PIEZO1: variants seen among roughly 807,000 people sequenced by gnomAD.
PIEZO1 encodes the protein piezo type mechanosensitive ion channel component 1 (Er blood group), also known as piezo-type mechanosensitive ion channel component 1.
PIEZO1 carries 296 observed loss-of-function variants against 297.2 expected under a neutral mutation model. That is an observed-to-expected ratio of 1.00 (90% CI 0.91 to 1.10). The LOEUF (loss-of-function observed/expected upper bound fraction) is 1.10, where lower values mean the gene tolerates loss of function less well. Among genes scored for constraint, PIEZO1 ranks in the 50% least tolerant of loss-of-function variants. The pLI is 0.00. For synonymous variants in PIEZO1, 2,427 were observed against 1,507.5 expected, an observed-to-expected ratio of 1.61 and a Z score of -14.13; for missense variants, 5,018 against 3,455.5, an observed-to-expected ratio of 1.45 and a Z score of -11.34.
At position 88,720,137 on chromosome 16, in the gene PIEZO1, G is replaced by A; in HGVS notation, c.6096C>T (p.Ala2032=). 8.4e-6 allele frequency: 13 copies of A among 1,550,462 alleles called. No individual in the cohort carries two copies. Among genetic ancestry groups the A allele is most frequent in the Non-Finnish European group, 1.1e-5 (13 of 1,146,982 alleles). Residue 2032 remains alanine, a synonymous_variant, in exon 42 of 51, where the codon GCC becomes GCT. Coordinates refer to ENST00000301015, the MANE Select transcript of PIEZO1 (RefSeq NM_001142864.4). ...TGGCCAGCACCAGCGCCACCTGGAA[G>A]GCCAGCTTGCCCAGCACGGTCTTGC... ...YLRKTVLGKL[A]FQVALVLAIH...
At chr16:88,756,618 T>C (rs1241248848) in intron 1 of PIEZO1, among the ~76,000 whole-genome samples, 1 of 151,468 alleles carries the variant, frequency 6.6e-6, no homozygotes, top group African/African-American at 2.4e-5. Flanking sequence ...AAATACAAAA[T>C]GTATCTGGGT....
intron 1 of PIEZO1, among the ~76,000 whole-genome samples, chr16:88,759,275 C>A (rs1000723323): frequency 3.9e-5 from 6 of 152,206 alleles, no homozygotes; most frequent in African/African-American, 1.4e-4. Flanking sequence ...GGGGCAGGCA[C>A]CTTGCTAGGT....
At chr16:88,752,877 C>G (rs971386220) in intron 1 of PIEZO1, among the ~76,000 whole-genome samples, 1 of 83,342 alleles carries the variant, frequency 1.2e-5, no homozygotes, top group African/African-American at 3.1e-5. Flanking sequence ...CTCATTCATT[C>G]ATCCATTCAT....
intron 31 of PIEZO1, among the ~76,000 whole-genome samples, 194 bp downstream of exon 31, chr16:88,723,677 T>C (rs1168396374): frequency 6.6e-6 from 1 of 152,252 alleles, no homozygotes; most frequent in Non-Finnish European, 1.5e-5. Context: ...GGCAGCAGGC[T>C]ACACATGACC....
chr16:88,721,071 T>A lies in PIEZO1; in HGVS notation c.5668+95A>T, dbSNP rs1437674548. On this transcript the variant is annotated intron_variant, in intron 39 of 50. Coordinates refer to ENST00000301015, the MANE Select transcript of PIEZO1 (RefSeq NM_001142864.4). ...CCTGGGATCCAGGTGGGCCTCGCAC[T>A]GGGCTTGGCCGTCTCATCTGAGAAA... The A allele has an allele frequency of 4.7e-6, 6 of 1,272,790 alleles. No homozygotes were observed. The Admixed American group carries it at 1.4e-4, about 30-fold the overall frequency. 78.8% of individuals were successfully genotyped at this position (1,272,790 alleles called of 1,614,324 possible). A position where few individuals can be genotyped will look rare whatever the true frequency, so the allele number is the denominator to read the frequency against.
At position 88,738,676 on chromosome 16, in the gene PIEZO1, G is replaced by C. The variant is rs901223457; in HGVS notation, c.526C>G (p.Leu176Val). ...PTAGLQEAAT[L>V]APTRRSRLAA... ...AGCCGTGACCTCCGTGTAGGGGCCA[G>C]CGTTGCTGCTTCCTGCAGCCCTGCC... is the stretch of plus-strand genomic sequence containing the variant. Residue 176 changes from leucine (L) to valine (V), a missense_variant, in exon 6 of 51, where the codon CTG becomes GTG. Leu to Val is a conservative substitution (Grantham distance 32, BLOSUM62 1). Coordinates refer to ENST00000301015, the MANE Select transcript of PIEZO1 (RefSeq NM_001142864.4). 3.9e-6 allele frequency: 6 copies of C among 1,535,058 alleles called. No homozygotes were observed. In the African/African-American group the frequency reaches 5.5e-5, roughly 14 times the overall value.
Position 88,722,661 on chromosome 16 carries a change from T to C in PIEZO1, c.4697A>G (p.Asp1566Gly), listed in dbSNP as rs759704861. ...QGGEVHRGVLDQLYTSQAEAT... is the reference protein window; with the variant it reads ...QGGEVHRGVLGQLYTSQAEAT... Reference sequence around the variant, plus strand: ...CTCGGCCTGGCTTGTGTACAGCTGATCCAGCACGCCCCTGTGCACTTCGCC... The same window carrying C: ...CTCGGCCTGGCTTGTGTACAGCTGACCCAGCACGCCCCTGTGCACTTCGCC... Residue 1566 changes from aspartate to glycine, a missense_variant, in exon 35 of 51, where the codon GAT (aspartate) becomes GGT (glycine). Asp to Gly is a moderately conservative substitution (Grantham distance 94). Transcript: ENST00000301015. 112 of 1,538,114 alleles carry C rather than the reference T, an allele frequency of 7.3e-5. No individual in the cohort carries two copies. The highest frequency in any genetic ancestry group is 1.7e-4 in the Middle Eastern group (1 of 5,988).
intron 1 of PIEZO1, among the ~76,000 whole-genome samples, chr16:88,761,590 C>T (rs1490753231): frequency 6.6e-6 from 1 of 152,174 alleles, no homozygotes; most frequent in African/African-American, 2.4e-5. Context: ...GCTCAGCATC[C>T]CATCCCCATC....
Position 88,716,889 on chromosome 16 carries a change from T to A in PIEZO1, c.6670A>T (p.Thr2224Ser), listed in dbSNP as rs1912081183. The A allele has an allele frequency of 1.3e-6, 2 of 1,549,768 alleles. No homozygotes were observed. The highest frequency in any genetic ancestry group is 1.7e-6 in the Non-Finnish European group (2 of 1,146,912). The change falls in exon 46 of 51, where the codon ACC (threonine) becomes TCC (serine). Residue 2224 changes from threonine (T) to serine (S), a missense_variant. Thr to Ser is a moderately conservative substitution (Grantham distance 58, BLOSUM62 1). Coordinates refer to ENST00000301015, the MANE Select transcript of PIEZO1 (RefSeq NM_001142864.4). ...LKLGGYEPLF[T>S]MSAQQPSIIP... Reference sequence around the variant, plus strand: ...ATGGACGGCTGCTGGGCGCTCATGGTGAACAGCGGCTGGGGCAGGCACGGG... The same window carrying A: ...ATGGACGGCTGCTGGGCGCTCATGGAGAACAGCGGCTGGGGCAGGCACGGG...
At chr16:88,753,138 TGCCCCCCCAGAGCACAACC>T (rs1198629523) in intron 1 of PIEZO1, among the ~76,000 whole-genome samples, 15 of 61,222 alleles carry the variant, frequency 2.5e-4, no homozygotes, top group African/African-American at 7.2e-4. Context: ...GGAGCACCCC[TGCCCCCCCAGAGCACAACC>T]GCCCCCCCAG....
Position 88,725,588 on chromosome 16 carries a change from C to A in PIEZO1, c.4058+7G>T. 6.5e-7 allele frequency: 1 copy of A among 1,542,810 alleles called. No individual in the cohort carries two copies. Among genetic ancestry groups the A allele is most frequent in the Non-Finnish European group, 8.8e-7 (1 of 1,140,060 alleles). On this transcript the variant is annotated splice_region_variant and intron_variant, in intron 28 of 50. Coordinates refer to ENST00000301015, the MANE Select transcript of PIEZO1 (RefSeq NM_001142864.4). ...AGCCGGGGAGTCCCCGCCCCAGAGG[C>A]ACCTACTGTCTTTTCAGCTGGGCCA... is the stretch of plus-strand genomic sequence containing the variant.
chr16:88,735,076 G>C, intron 13 of PIEZO1, 23 bp from the exon 14 acceptor site: 1 of 1,550,116 alleles, frequency 6.5e-7, no homozygotes, highest in Non-Finnish European at 8.7e-7. Flanking sequence ...CCAGGGGCAG[G>C]CGATGGCATC....
chr16:88,732,352 A>G lies in PIEZO1; in HGVS notation c.2974T>C (p.Tyr992His), dbSNP rs1452155721. 3 of 1,549,252 alleles carry G rather than the reference A, an allele frequency of 1.9e-6. No homozygotes were observed. Among genetic ancestry groups the G allele is most frequent in the Non-Finnish European group, 2.6e-6 (3 of 1,146,166 alleles). The change falls in exon 21 of 51, where the codon TAC becomes CAC. Residue 992 changes from tyrosine (Y) to histidine (H), a missense_variant. Tyr to His is a moderately conservative substitution (Grantham distance 83, BLOSUM62 2). Transcript: ENST00000301015. Reference protein sequence around the residue: ...CLKYFINFFFYKFGLEICFLM... With the variant: ...CLKYFINFFFHKFGLEICFLM... ...TGCCTCACCTCCAGCCCGAATTTGT[A>G]GAAGAAGAAGTTGATGAAGTACTTG... is the stretch of plus-strand genomic sequence containing the variant.
In PIEZO1 at chr16:88,777,250, C is replaced by T. The variant is rs142946849; in HGVS notation, c.64+7651G>A. On this transcript the variant is annotated intron_variant, in intron 1 of 50. Transcript: ENST00000301015. ...CCTCCCAAAGTGCTGGGATTACCGG[C>T]GTGAGCCACCATGCCCGGAGGACCT... 7.5e-3 allele frequency among the ~76,000 whole-genome samples: 1,137 copies of T among 152,380 alleles called. 21 individuals are homozygous for T. The highest frequency in any genetic ancestry group is 0.026 in the African/African-American group (1,065 of 41,588).
At chr16:88,740,712 T>C (rs1905585641) in intron 5 of PIEZO1, 1 of 152,256 alleles carries the variant, frequency 6.6e-6, no homozygotes, top group Non-Finnish European at 1.5e-5. Flanking sequence ...TTGAGGCCCA[T>C]GTGCGTGGCG....
At position 88,723,141 on chromosome 16, in the gene PIEZO1, G is replaced by A; in HGVS notation, c.4449C>T (p.Pro1483=). 1 of 1,549,150 alleles carries A rather than the reference G, an allele frequency of 6.5e-7. No homozygotes were observed. Among genetic ancestry groups the A allele is most frequent in the Non-Finnish European group, 8.7e-7 (1 of 1,146,810 alleles). The change falls in exon 33 of 51, where the codon CCC becomes CCT. Residue 1483 remains proline, a synonymous_variant. Coordinates refer to ENST00000301015, the MANE Select transcript of PIEZO1 (RefSeq NM_001142864.4). ...QAGQLPTGGG[P]SQEVEPAEGP... is the part of the protein sequence containing the mutation. ...CCTCTGCTGGCTCCACCTCCTGGCT[G>A]GGACCACCTCCTGGGCACAGGATGC...
At chr16:88,772,437 C>T (rs559278323) in intron 1 of PIEZO1, among the ~76,000 whole-genome samples, 23 of 152,290 alleles carry the variant, frequency 1.5e-4, no homozygotes, top group African/African-American at 4.6e-4. Context: ...AGCCTGCAGG[C>T]CCCAGCCCAC....
At chr16:88,745,948 T>C (rs1007059731) in intron 2 of PIEZO1, among the ~76,000 whole-genome samples, 3 of 152,144 alleles carry the variant, frequency 2.0e-5, no homozygotes, top group African/African-American at 7.2e-5. Context: ...AGCATCCTGA[T>C]GCGTGGTCCA....
chr16:88,728,371 ACCTCGCGACACAAAAACAAAGTGAC>A (rs1164799059), intron 22 of PIEZO1, among the ~76,000 whole-genome samples: 1 of 152,206 alleles, frequency 6.6e-6, no homozygotes, highest in Non-Finnish European at 1.5e-5. Flanking sequence ...CACAGAGGGA[ACCTCGCGACACAAAAACAAAGTGAC>A]CCTCCATGCT....
Sources: allele counts gnomAD v4.1 joint callset (sites outside exome capture counted in the v4.1 genomes callset), GRCh38; gene constraint gnomAD v4.1.1; transcripts MANE v1.5; gene names NCBI Gene and HGNC (gene_info 2026-07-23, HGNC 2026-07-21).